Variants in ABCB5 observed in about 807,000 individuals in gnomAD.
The protein encoded by ABCB5 is ATP-binding cassette sub-family B member 5.
In ABCB5, 155 loss-of-function variants were observed where a neutral mutation model predicts 144.2. The observed-to-expected ratio is 1.08, with a 90% CI of 0.94 to 1.23. The LOEUF (loss-of-function observed/expected upper bound fraction) is 1.23. ABCB5 is among the 50% of genes most tolerant of loss of function. The pLI, the probability that ABCB5 is intolerant of heterozygous loss-of-function variation, is 0.00. For synonymous variants in ABCB5, 610 were observed against 528.6 expected (o/e 1.15, Z -2.11); for missense variants, 1,830 against 1,520.8 (o/e 1.20, Z -3.38).
chr7:20,680,330 G>A (rs561398998), intron 14 of ABCB5, among the ~76,000 whole-genome samples: 4 of 152,198 alleles, frequency 2.6e-5, no homozygotes, highest in African/African-American at 7.2e-5. Context: ...AGGCCGAGGC[G>A]GGTGCATCAC....
chr7:20,636,566 C>T (rs1784159880), intron 5 of ABCB5, among the ~76,000 whole-genome samples: 1 of 151,858 alleles, frequency 6.6e-6, no homozygotes, highest in African/African-American at 2.4e-5. Context: ...AGGCAGATCA[C>T]TTGAGGTCAG....
intron 14 of ABCB5, among the ~76,000 whole-genome samples, chr7:20,671,743 T>A (rs893722496): frequency 1.3e-5 from 2 of 152,252 alleles, no homozygotes; most frequent in Non-Finnish European, 2.9e-5. Flanking sequence ...TTATTAGGTT[T>A]GTTTTCAGTT....
chr7:20,640,211 A>T (rs918061015), intron 5 of ABCB5, among the ~76,000 whole-genome samples: 8 of 152,208 alleles, frequency 5.3e-5, no homozygotes, highest in African/African-American at 1.9e-4. Flanking sequence ...TATGATAGTT[A>T]ATGTTCTATT....
intron 14 of ABCB5, among the ~76,000 whole-genome samples, chr7:20,660,552 G>T (rs1192405657): frequency 6.6e-6 from 1 of 152,104 alleles, no homozygotes; most frequent in East Asian, 1.9e-4. Flanking sequence ...CAGGGTGATG[G>T]AAGCTGTAGC....
At chr7:20,718,743 ACCT>A (rs1391694944) in intron 20 of ABCB5, among the ~76,000 whole-genome samples, 1 of 152,096 alleles carries the variant, frequency 6.6e-6, no homozygotes, top group Non-Finnish European at 1.5e-5. Context: ...GAGTATATAC[ACCT>A]TTTTAAATTT....
chr7:20,703,323 G>A (rs937110820), intron 19 of ABCB5, among the ~76,000 whole-genome samples: 2 of 152,210 alleles, frequency 1.3e-5, no homozygotes, highest in Non-Finnish European at 2.9e-5. Context: ...TGTATTCACA[G>A]TATGTTAGGC....
intron 14 of ABCB5, among the ~76,000 whole-genome samples, chr7:20,668,865 C>A (rs1290559044): frequency 8.0e-6 from 1 of 124,752 alleles, no homozygotes; most frequent in Admixed American, 7.6e-5. Context: ...GTCAGCCCCC[C>A]GCCCAGCCGG....
intron 26 of ABCB5, among the ~76,000 whole-genome samples, chr7:20,747,639 G>A (rs187148649): frequency 6.6e-6 from 1 of 152,142 alleles, no homozygotes; most frequent in East Asian, 1.9e-4. Context: ...ACTATATGCT[G>A]CAAAAATCCA....
Position 20,739,029 on chromosome 7 carries a change from CT to C in ABCB5, c.2915del (p.Leu972ProfsTer27). On this transcript the variant is annotated frameshift_variant, in exon 24 of 28. Coordinates refer to ENST00000404938, the MANE Select transcript of ABCB5 (RefSeq NM_001163941.2). LOFTEE classifies it high-confidence loss of function. The stretch of plus-strand genomic sequence containing the variant: ...TGGAGCTATGGCCATCGGAGAAACG[CT>C]CGTTTTGGCTCCTGAATATTCCAAA... Reference protein sequence around the residue: ...AYGAMAIGETLVLAPEYSKAK... With the variant: ...AYGAMAIGETXVLAPEYSKAK... The C allele has an allele frequency of 6.2e-7, 1 of 1,611,758 alleles. No individual in the cohort carries two copies. Among genetic ancestry groups the C allele is most frequent in the Non-Finnish European group, 8.5e-7 (1 of 1,179,028 alleles).
intron 7 of ABCB5, among the ~76,000 whole-genome samples, chr7:20,643,833 T>G (rs1287293846): frequency 6.6e-6 from 1 of 152,246 alleles, no homozygotes; most frequent in Non-Finnish European, 1.5e-5. Flanking sequence ...GATGAAATGT[T>G]TTTAATAGCT....
At chr7:20,643,003 T>G (rs1784326518) in intron 5 of ABCB5, among the ~76,000 whole-genome samples, 181 bp from the exon 6 acceptor site, 2 of 152,188 alleles carry the variant, frequency 1.3e-5, no homozygotes, top group Admixed American at 6.5e-5. Flanking sequence ...ACACTCTATG[T>G]TTTACCAGGA....
chr7:20,631,068 A>G (rs1784026679), intron 4 of ABCB5, among the ~76,000 whole-genome samples: 1 of 152,178 alleles, frequency 6.6e-6, no homozygotes, highest in Admixed American at 6.6e-5. Context: ...TCCTATAAAT[A>G]AAAATATGAA....
chr7:20,741,239 T>C (rs1250598765), intron 24 of ABCB5, among the ~76,000 whole-genome samples: 1 of 152,056 alleles, frequency 6.6e-6, no homozygotes, highest in Non-Finnish European at 1.5e-5. Context: ...TCATATTAAA[T>C]AGAATTAAAA....
intron 26 of ABCB5, among the ~76,000 whole-genome samples, chr7:20,750,415 CACACAT>C (rs1330410736): frequency 1.3e-5 from 2 of 151,492 alleles, no homozygotes; most frequent in South Asian, 2.1e-4. Flanking sequence ...CACACACACA[CACACAT>C]ATACACACAA....
At chr7:20,669,828 GT>G (rs1785405920) in intron 14 of ABCB5, among the ~76,000 whole-genome samples, 1 of 150,074 alleles carries the variant, frequency 6.7e-6, no homozygotes, top group Non-Finnish European at 1.5e-5. Flanking sequence ...GTGCCTGAGT[GT>G]TTTTGCCTTC....
At chr7:20,719,400 A>G (rs1032538267) in intron 20 of ABCB5, among the ~76,000 whole-genome samples, 4 of 152,098 alleles carry the variant, frequency 2.6e-5, no homozygotes, top group Admixed American at 6.5e-5. Flanking sequence ...ACCTCATACT[A>G]TGACTCCTTT....
intron 1 of ABCB5, among the ~76,000 whole-genome samples, chr7:20,617,312 T>C (rs1377887177): frequency 6.6e-6 from 1 of 152,202 alleles, no homozygotes; most frequent in African/African-American, 2.4e-5. Context: ...TTCTTTAGAT[T>C]ATCATTCAGT....
chr7:20,712,280 TCTTC>T (rs1380217358), intron 20 of ABCB5, among the ~76,000 whole-genome samples: 2 of 148,918 alleles, frequency 1.3e-5, no homozygotes, highest in Non-Finnish European at 3.0e-5. Context: ...AATGTATATT[TCTTC>T]CTTTGCTTTT....
At chr7:20,664,429 A>G (rs1056296212) in intron 14 of ABCB5, among the ~76,000 whole-genome samples, 1 of 152,214 alleles carries the variant, frequency 6.6e-6, no homozygotes, top group Non-Finnish European at 1.5e-5. Context: ...AGGACATTCC[A>G]AGGTTTTAAA....
Sources: allele counts gnomAD v4.1 joint callset (sites outside exome capture counted in the v4.1 genomes callset), GRCh38; gene constraint gnomAD v4.1.1; transcripts MANE v1.5; gene names NCBI Gene and HGNC (gene_info 2026-07-23, HGNC 2026-07-21).